Variants in SYNPO observed in about 807,000 individuals in gnomAD.
The protein encoded by SYNPO is synaptopodin.
SYNPO carries 19 observed loss-of-function variants against 49.5 expected under a neutral mutation model. The ratio of observed to expected loss-of-function variants is 0.38; its 90% CI spans 0.27 to 0.56. The LOEUF is 0.56. SYNPO is among the 20% of genes least tolerant of loss of function. The probability of loss-of-function intolerance (pLI) is 0.68; values close to 1 mark genes in which losing one functional copy is unlikely to be tolerated. For synonymous variants in SYNPO, 536 were observed against 548.0 expected (o/e 0.98, Z 0.31); for missense variants, 1,131 against 1,248.3 (o/e 0.91, Z 1.42).
upstream of SYNPO, among the ~76,000 whole-genome samples, chr5:150,637,755 G>A (rs1004758450): frequency 6.6e-6 from 1 of 152,212 alleles, no homozygotes; most frequent in South Asian, 2.1e-4. Context: ...TGTGAGGAAG[G>A]AATGTGGGGA....
chr5:150,617,738 A>G (rs540420776), intron 1 of SYNPO: 1 of 152,306 alleles, frequency 6.6e-6, no homozygotes, highest in East Asian at 1.9e-4. Context: ...GTGTCTAGAT[A>G]CGTGTTGTTA....
chr5:150,655,921 G>A (rs969929033), intron 2 of SYNPO, among the ~76,000 whole-genome samples: 2 of 152,226 alleles, frequency 1.3e-5, no homozygotes. Flanking sequence ...AAAGTGCTGG[G>A]ACTACAGGCG....
In SYNPO at chr5:150,650,279, C is replaced by T; in HGVS notation, c.2004C>T (p.Thr668=). The change falls in exon 2 of 3, where the codon ACC becomes ACT. Residue 668 remains threonine, a synonymous_variant. Coordinates refer to ENST00000307662, the MANE Select transcript of SYNPO (RefSeq NM_007286.6). ...AGGCCCCCAGGCCCTCCTTCTCTAC[C>T]CGGAACGCCGGGATCGAGGCTCAGG... ...AKQAPRPSFS[T]RNAGIEAQDR... 6.2e-7 allele frequency: 1 copy of T among 1,614,132 alleles called. No individual in the cohort carries two copies. The highest frequency in any genetic ancestry group is 8.5e-7 in the Non-Finnish European group (1 of 1,180,048).
intron 1 of SYNPO, among the ~76,000 whole-genome samples, chr5:150,602,270 T>C (rs1283980101): frequency 6.6e-6 from 1 of 152,192 alleles, no homozygotes; most frequent in Non-Finnish European, 1.5e-5. Flanking sequence ...TTGCTACGGA[T>C]GTTGGACACG....
rs1561662815 is a variant in SYNPO at position 150,656,693 on chromosome 5, G to A, written c.2318G>A (p.Arg773Gln). ...GCCCGGCGCAAGAGCGCCTCCCCGC[G>A]GTCGGCGGGCGCCGAGAACCCGCGG... is the stretch of plus-strand genomic sequence containing the variant. ...NAARRKSASPRSAGAENPRPF... is the reference protein window; with the variant it reads ...NAARRKSASPQSAGAENPRPF... The change falls in exon 3 of 3, where the codon CGG becomes CAG. Residue 773 changes from arginine (R) to glutamine (Q), a missense_variant. Arg to Gln is a conservative substitution (Grantham distance 43). Coordinates refer to ENST00000307662, the MANE Select transcript of SYNPO (RefSeq NM_007286.6). 1.4e-6 allele frequency: 2 copies of A among 1,454,960 alleles called. No homozygotes were observed. The highest frequency in any genetic ancestry group is 1.3e-5 in the South Asian group (1 of 75,844). The allele number at this position is 1,454,960 out of a possible 1,614,324, so 90.1% of individuals were successfully genotyped here.
Position 150,656,674 on chromosome 5 carries a change from C to T in SYNPO, c.2299C>T (p.Arg767Cys). ...LARNIINAAR[R>C]KSASPRSAGA... is the part of the protein sequence containing the mutation. Reference sequence around the variant, plus strand: ...GCGAAACATCATCAATGCGGCCCGGCGCAAGAGCGCCTCCCCGCGGTCGGC... The same window carrying T: ...GCGAAACATCATCAATGCGGCCCGGTGCAAGAGCGCCTCCCCGCGGTCGGC... Residue 767 changes from arginine (R) to cysteine (C), a missense_variant, in exon 3 of 3, where the codon CGC (arginine) becomes TGC (cysteine). Physicochemically the swap from Arg to Cys is radical, Grantham distance 180 (BLOSUM62 -3). Around this residue, in one of 4 missense-constraint regions of SYNPO, gnomAD observed 509 missense variants for 484.5 expected, o/e 1.05. Transcript: ENST00000307662. 1.4e-6 allele frequency: 2 copies of T among 1,472,732 alleles called. No homozygotes were observed. The highest frequency in any genetic ancestry group is 5.9e-5 in the East Asian group (2 of 33,780). The allele number at this position is 1,472,732 out of a possible 1,614,324, so 91.2% of individuals were successfully genotyped here.
At chr5:150,628,738 G>A (rs12659483) in intron 2 of SYNPO, among the ~76,000 whole-genome samples, 43 of 152,242 alleles carry the variant, frequency 2.8e-4, no homozygotes, top group Middle Eastern at 6.8e-3. Context: ...GTGAAACCCC[G>A]TCTCTACTAA....
In SYNPO at chr5:150,651,099, C is replaced by T. The variant is rs985821916; in HGVS notation, c.2028+796C>T. ...CTGTCACCGCTCTAGGGGTGGGGGA[C>T]GTCCCAGGGGATCCCCAGGAGAAGG... On this transcript the variant is annotated intron_variant, in intron 2 of 2. Transcript: ENST00000307662. 334 of 1,106,322 alleles carry T rather than the reference C, an allele frequency of 3.0e-4. 1 individual carries two copies. The highest frequency in any genetic ancestry group is 3.6e-4 in the Non-Finnish European group (325 of 899,606). The allele number at this position is 1,106,322 out of a possible 1,614,324, so 68.5% of individuals were successfully genotyped here. A position where few individuals can be genotyped will look rare whatever the true frequency, so the allele number is the denominator to read the frequency against.
intron 1 of SYNPO, among the ~76,000 whole-genome samples, chr5:150,602,654 T>A (rs1461430390): frequency 6.6e-6 from 1 of 152,186 alleles, no homozygotes; most frequent in Non-Finnish European, 1.5e-5. Flanking sequence ...AGAGTCTCGC[T>A]CTGTCACCCA....
At position 150,633,698 on chromosome 5, in the gene SYNPO, T is replaced by C. The variant is rs148106060; in HGVS notation, c.401-14246T>C. 2.0e-3 allele frequency among the ~76,000 whole-genome samples: 307 copies of C among 152,380 alleles called. 2 individuals carry two copies. The highest frequency in any genetic ancestry group is 7.1e-3 in the African/African-American group (296 of 41,592). On this transcript the variant is annotated intron_variant, in intron 2 of 2. Coordinates refer to the SYNPO transcript ENST00000394243. ...CTGGGCAGGTCCCTTGCCCTTTCTC[T>C]GCCTCAGTTTTCTAGTCTGTAAAAT... is the stretch of plus-strand genomic sequence containing the variant.
chr5:150,651,854 A>T (rs2151428849), intron 2 of SYNPO: 1 of 1,000,458 alleles, frequency 1.0e-6, no homozygotes, highest in Admixed American at 6.1e-5. Context: ...TTTGGAGGTG[A>T]TATGATACAG....
rs1428403882 is a variant in SYNPO, at chr5:150,659,103, T to A, written c.*2016T>A. On this transcript the variant is annotated 3_prime_UTR_variant, in exon 3 of 3. Transcript: ENST00000307662. ...CGCCTGGCTGTTCTCTCATTGTCAC[T>A]GCCCTCTCCCCAACCTCTCCTCTAA... 6.6e-6 allele frequency: 1 copy of A among 152,432 alleles called. No homozygotes were observed. The highest frequency in any genetic ancestry group is 1.5e-5 in the Non-Finnish European group (1 of 68,104). 9.4% of individuals were successfully genotyped at this position (152,432 alleles called of 1,614,324 possible).
chr5:150,624,786 G>A, intron 2 of SYNPO: 1 of 933,076 alleles, frequency 1.1e-6, no homozygotes, highest in Non-Finnish European at 1.3e-6. Context: ...CGGGCGCGGA[G>A]CCTGGGCCTG....
intron 2 of SYNPO, chr5:150,652,693 A>T (rs1175469601): frequency 6.6e-6 from 1 of 152,296 alleles, no homozygotes; most frequent in Non-Finnish European, 1.5e-5. Flanking sequence ...TTACAAGTGG[A>T]ATAGAAATTC....
chr5:150,652,611 T>G (rs1195357152), intron 2 of SYNPO: 1 of 169,046 alleles, frequency 5.9e-6, no homozygotes, highest in African/African-American at 2.4e-5. Flanking sequence ...CCTCAGAGTT[T>G]GGCCAAAAAT....
chr5:150,620,142 T>A (rs1757107470), intron 2 of SYNPO, among the ~76,000 whole-genome samples: 1 of 152,256 alleles, frequency 6.6e-6, no homozygotes, highest in African/African-American at 2.4e-5. Flanking sequence ...TGGTGAGCTC[T>A]ACTTTCCTCC....
chr5:150,632,975 C>G (rs185087460), intron 2 of SYNPO, among the ~76,000 whole-genome samples: 1 of 152,244 alleles, frequency 6.6e-6, no homozygotes, highest in South Asian at 2.1e-4. Flanking sequence ...TGGCCCTGAT[C>G]GTCCCTGCTC....
intron 2 of SYNPO, among the ~76,000 whole-genome samples, chr5:150,629,354 C>T (rs1757465774): frequency 6.6e-6 from 1 of 152,176 alleles, no homozygotes; most frequent in South Asian, 2.1e-4. Flanking sequence ...AATGCCTGGA[C>T]TGAGCTTCAG....
intron 2 of SYNPO, among the ~76,000 whole-genome samples, chr5:150,626,970 G>A (rs1354159559): frequency 6.6e-6 from 1 of 152,204 alleles, no homozygotes; most frequent in African/African-American, 2.4e-5. Context: ...GGGCTGACAT[G>A]TGTCTTCCTG....
Sources: allele counts gnomAD v4.1 joint callset (sites outside exome capture counted in the v4.1 genomes callset), GRCh38; gene constraint gnomAD v4.1.1; regional missense constraint gnomAD v4.1.1; transcripts MANE v1.5; gene names NCBI Gene and HGNC (gene_info 2026-07-23, HGNC 2026-07-21).